The following IMMP2L variants were observed in gnomAD, a reference collection of about 807,000 sequenced individuals.
IMMP2L encodes mitochondrial inner membrane protease subunit 2.
A neutral mutation model predicts 19.3 loss-of-function variants in IMMP2L; 18 were observed. That is an observed-to-expected ratio of 0.93 (90% CI 0.64 to 1.38). The LOEUF is 1.38. Among genes scored for constraint, IMMP2L ranks in the 40% most tolerant of loss-of-function variants. IMMP2L has a pLI of 0.00. For missense variants in IMMP2L, 233 were observed against 218.2 expected (o/e 1.07, Z -0.43); for synonymous variants, 76 against 73.0 (o/e 1.04, Z -0.21).
chr7:110,884,683 AG>A (rs1407392450), intron 5 of IMMP2L, among the ~76,000 whole-genome samples: 4 of 152,166 alleles, frequency 2.6e-5, no homozygotes, highest in Admixed American at 6.5e-5. Flanking sequence ...TTCACTTGCG[AG>A]TTGCTACAAA....
chr7:110,969,780 A>C (rs1333028720), intron 3 of IMMP2L, among the ~76,000 whole-genome samples: 2 of 152,100 alleles, frequency 1.3e-5, no homozygotes, highest in Non-Finnish European at 2.9e-5. Context: ...ATTCTCTCAG[A>C]GCATACCCTA....
In IMMP2L at chr7:111,017,377, C is replaced by T. The variant is rs936184380; in HGVS notation, c.240-53812G>A. 1.2e-4 allele frequency among the ~76,000 whole-genome samples: 18 copies of T among 151,936 alleles called. No individual in the cohort carries two copies. In the East Asian group the frequency reaches 1.7e-3, roughly 15 times the overall value. Reference sequence around the variant, plus strand: ...CTGCGCCCAGCCTTGTTATTTTTAACTCCATGGTCATTACTTACTTTCCAG... The same window carrying T: ...CTGCGCCCAGCCTTGTTATTTTTAATTCCATGGTCATTACTTACTTTCCAG... On this transcript the variant is annotated intron_variant, in intron 3 of 5. Coordinates refer to ENST00000405709, the MANE Select transcript of IMMP2L (RefSeq NM_032549.4).
chr7:111,557,533 A>G (rs892578670), intron 1 of IMMP2L, among the ~76,000 whole-genome samples: 6 of 152,150 alleles, frequency 3.9e-5, no homozygotes, highest in Non-Finnish European at 7.4e-5. Context: ...TTGCTTGTCA[A>G]CATGCCCACT....
chr7:111,328,158 G>A (rs1825514528), intron 3 of IMMP2L, among the ~76,000 whole-genome samples: 1 of 151,654 alleles, frequency 6.6e-6, no homozygotes, highest in Admixed American at 6.6e-5. Flanking sequence ...CATTAAAACA[G>A]CTCTCTCAGA....
At chr7:111,511,859 T>C (rs1020363393) in intron 2 of IMMP2L, among the ~76,000 whole-genome samples, 5 of 152,022 alleles carry the variant, frequency 3.3e-5, no homozygotes, top group Admixed American at 6.6e-5. Flanking sequence ...ACTCAGCAAT[T>C]AGGAGATGGG....
At chr7:111,089,643 T>C (rs1274030720) in intron 3 of IMMP2L, among the ~76,000 whole-genome samples, 2 of 152,074 alleles carry the variant, frequency 1.3e-5, no homozygotes. Context: ...CAGAACTGAC[T>C]CAGTGCTTTC....
chr7:110,663,667 G>T lies in IMMP2L; in HGVS notation c.463C>A (p.Arg155Ser), dbSNP rs371793087. The change falls in exon 6 of 6, where the codon CGC becomes AGC. Residue 155 changes from arginine to serine, a missense_variant. Transcript: ENST00000405709. ...AGAACAGATTCCAATTTCTGCCAGC[G>T]CTCTGGGGGCCACAGGATATGTGTG... ...HATHILWPPE[R>S]WQKLESVLPP... 6.2e-7 allele frequency: 1 copy of T among 1,609,346 alleles called. No individual in the cohort carries two copies. Among genetic ancestry groups the T allele is most frequent in the Non-Finnish European group, 8.5e-7 (1 of 1,176,694 alleles).
At chr7:111,059,517 C>A (rs1793820249) in intron 3 of IMMP2L, among the ~76,000 whole-genome samples, 1 of 152,122 alleles carries the variant, frequency 6.6e-6, no homozygotes, top group African/African-American at 2.4e-5. Flanking sequence ...TATTACAGAC[C>A]TATCTCCCCT....
chr7:111,330,439 C>G (rs920883480), intron 3 of IMMP2L, among the ~76,000 whole-genome samples: 2 of 150,968 alleles, frequency 1.3e-5, no homozygotes, highest in Non-Finnish European at 3.0e-5. Context: ...GAAATTCTAA[C>G]CAAGAAAGTA....
chr7:111,157,913 ATAAT>A (rs1294218685), intron 3 of IMMP2L, among the ~76,000 whole-genome samples: 6 of 152,018 alleles, frequency 3.9e-5, no homozygotes, highest in African/African-American at 1.2e-4. Context: ...AGAGAAAACC[ATAAT>A]TAAACAGTGA....
intron 3 of IMMP2L, among the ~76,000 whole-genome samples, chr7:111,468,381 T>C (rs1440440616): frequency 1.3e-5 from 2 of 152,104 alleles, no homozygotes; most frequent in South Asian, 2.1e-4. Flanking sequence ...CATAAATACA[T>C]TGTATTTGCC....
intron 5 of IMMP2L, among the ~76,000 whole-genome samples, chr7:110,766,707 G>T (rs992176989): frequency 1.3e-5 from 2 of 151,620 alleles, no homozygotes; most frequent in African/African-American, 4.9e-5. Flanking sequence ...TTTTTGAATG[G>T]TTTCCTTTAT....
At chr7:110,957,742 C>A (rs576784414) in intron 4 of IMMP2L, among the ~76,000 whole-genome samples, 1 of 151,972 alleles carries the variant, frequency 6.6e-6, no homozygotes, top group South Asian at 2.1e-4. Flanking sequence ...CTCCTTTCCT[C>A]AGAGATTAGT....
chr7:110,915,654 T>C (rs182442393), intron 4 of IMMP2L, among the ~76,000 whole-genome samples: 7 of 152,332 alleles, frequency 4.6e-5, no homozygotes, highest in Admixed American at 2.6e-4. Context: ...TAGCTATAGA[T>C]AGTGACATAT....
At chr7:111,318,260 T>C (rs1349211605) in intron 3 of IMMP2L, among the ~76,000 whole-genome samples, 2 of 152,148 alleles carry the variant, frequency 1.3e-5, no homozygotes, top group Admixed American at 1.3e-4. Context: ...GCAGATGGCG[T>C]CCTTTCCCCA....
chr7:111,378,747 G>C (rs1437360976), intron 3 of IMMP2L, among the ~76,000 whole-genome samples: 50 of 151,860 alleles, frequency 3.3e-4, no homozygotes. Flanking sequence ...GTCTGAATCA[G>C]CTCAAAGACT....
chr7:110,737,753 A>G (rs1160763819), intron 5 of IMMP2L, among the ~76,000 whole-genome samples: 1 of 152,214 alleles, frequency 6.6e-6, no homozygotes, highest in Non-Finnish European at 1.5e-5. Flanking sequence ...GCCAACCAAC[A>G]AAAACCAGCG....
intron 3 of IMMP2L, among the ~76,000 whole-genome samples, chr7:111,277,409 G>A (rs565151629): frequency 1.3e-5 from 2 of 152,048 alleles, no homozygotes; most frequent in South Asian, 4.2e-4. Context: ...TTTTACACCA[G>A]TCAGAATGAC....
intron 4 of IMMP2L, among the ~76,000 whole-genome samples, chr7:110,900,660 A>C (rs892500184): frequency 5.9e-5 from 9 of 152,320 alleles, no homozygotes; most frequent in Admixed American, 3.9e-4. Flanking sequence ...CAACCTTAAC[A>C]TTATGGACAT....
Sources: gnomAD v4.1 joint callset for allele counts (sites outside exome capture counted in the v4.1 genomes callset) on GRCh38, gnomAD v4.1.1 for gene constraint, MANE v1.5 for transcripts, NCBI Gene and HGNC (gene_info 2026-07-23, HGNC 2026-07-21) for gene names.